ALX3: variants seen among roughly 807,000 people sequenced by gnomAD.
ALX3 encodes homeobox protein aristaless-like 3.
Under a neutral mutation model 26.3 loss-of-function variants are expected in ALX3, and 17 were observed. That is an observed-to-expected ratio of 0.65 (90% confidence interval 0.44 to 0.97). ALX3 has a LOEUF of 0.97. Ranked by LOEUF, ALX3 falls within the 50% of genes least tolerant of loss-of-function variation. The pLI is 0.00. For synonymous variants in ALX3, 208 were observed against 201.4 expected, an observed-to-expected ratio of 1.03 and a Z score of -0.28; for missense variants, 461 against 466.5, an observed-to-expected ratio of 0.99 and a Z score of 0.11.
intron 2 of ALX3, chr1:110,062,645 G>GTGTGCGCGCGC (rs57279963): frequency 7.6e-6 from 1 of 132,296 alleles, no homozygotes; most frequent in African/African-American, 2.8e-5. Flanking sequence ...GTGTGTGTGT[G>GTGTGCGCGCGC]GAGTAATCCG....
intron 1 of ALX3, among the ~76,000 whole-genome samples, chr1:110,065,838 A>G (rs1653767989): frequency 1.3e-5 from 2 of 152,186 alleles, no homozygotes; most frequent in African/African-American, 4.8e-5. Context: ...GAGCCTCACC[A>G]TGGTGGATCG....
intron 2 of ALX3, chr1:110,062,645 G>GCGCGCGCGCGCGCGCGC (rs57279963): frequency 7.6e-6 from 1 of 132,300 alleles, no homozygotes; most frequent in Admixed American, 8.2e-5. Context: ...GTGTGTGTGT[G>GCGCGCGCGCGCGCGCGC]GAGTAATCCG....
Position 110,064,397 on chromosome 1 carries a change from A to G in ALX3, c.594+190T>C, listed in dbSNP as rs1077580. ...TACCCAGGCATAAGCTTCAATTTGG[A>G]CCAGAAGAGCCTGTGGCTGCAGCAG... On this transcript the variant is annotated intron_variant, in intron 2 of 3. Coordinates refer to ENST00000647563, the MANE Select transcript of ALX3 (RefSeq NM_006492.3). 0.66 allele frequency among the ~76,000 whole-genome samples: 100,668 copies of G among 152,090 alleles called. 33,801 individuals are homozygous for G. Among genetic ancestry groups the G allele is most frequent in the East Asian group, 0.81 (4,149 of 5,148 alleles).
chr1:110,069,511 A>T (rs1428365860), intron 1 of ALX3, among the ~76,000 whole-genome samples: 1 of 152,104 alleles, frequency 6.6e-6, no homozygotes, highest in Non-Finnish European at 1.5e-5. Context: ...GCATTCTCGG[A>T]TGCCGGCGCG....
chr1:110,070,343 G>A lies in ALX3; in HGVS notation c.270C>T (p.Pro90=), dbSNP rs1444327986. The A allele has an allele frequency of 3.9e-6, 5 of 1,291,338 alleles. No homozygotes were observed. Among genetic ancestry groups the A allele is most frequent in the African/African-American group, 1.5e-5 (1 of 66,056 alleles). 80.0% of individuals were successfully genotyped at this position (1,291,338 alleles called of 1,614,324 possible). Reference sequence around the variant, plus strand: ...CCCCGCGCCGCGCGTTACCTTCCGCGGGGCCCTCGTAGAAGTGGCCGCCGT... The same window carrying A: ...CCCCGCGCCGCGCGTTACCTTCCGCAGGGCCCTCGTAGAAGTGGCCGCCGT... The part of the protein sequence containing the change: ...ALNGGHFYEG[P]AEAEEKTSKA... Residue 90 remains proline, a synonymous_variant, in exon 1 of 4, where the codon CCC becomes CCT. Coordinates refer to ENST00000647563, the MANE Select transcript of ALX3 (RefSeq NM_006492.3).
intron 1 of ALX3, among the ~76,000 whole-genome samples, chr1:110,065,303 C>T (rs148481103): frequency 6.6e-6 from 1 of 152,304 alleles, no homozygotes; most frequent in Non-Finnish European, 1.5e-5. Context: ...CCTGCTCCTG[C>T]CAGAAAGTGC....
rs372198014 is a variant in ALX3 at position 110,064,835 on chromosome 1, C to T, written c.346G>A (p.Asp116Asn). 6 of 1,613,396 alleles carry T rather than the reference C, an allele frequency of 3.7e-6. No individual in the cohort carries two copies. The highest frequency in any genetic ancestry group is 5.1e-6 in the Non-Finnish European group (6 of 1,179,824). The change falls in exon 2 of 4, where the codon GAC (aspartate) becomes AAC (asparagine). Residue 116 changes from aspartate to asparagine, a missense_variant. By Grantham distance (23) the Asp-to-Asn change is conservative. Coordinates refer to ENST00000647563, the MANE Select transcript of ALX3 (RefSeq NM_006492.3). ...GAGCCTTGCAAGTTAGAGGGCCCGT[C>T]TCTGGGGCCCCCTCGGCAGTCCAAG... The part of the protein sequence containing the change: ...LPLDCRGGPR[D>N]GPSNLQGSPG...
Position 110,070,402 on chromosome 1 carries a change from A to G in ALX3, c.211T>C (p.Tyr71His). Residue 71 changes from tyrosine (Y) to histidine (H), a missense_variant, in exon 1 of 4, where the codon TAC (tyrosine) becomes CAC (histidine). Coordinates refer to ENST00000647563, the MANE Select transcript of ALX3 (RefSeq NM_006492.3). ...LPEPAKPPAK[Y>H]LQDLGPGPAL... The stretch of plus-strand genomic sequence containing the variant: ...GGGCCGGGCCCGAGGTCCTGCAGGT[A>G]CTTGGCGGGCGGCTTGGCCGGCTCT... The G allele has an allele frequency of 7.8e-7, 1 of 1,280,786 alleles. No homozygotes were observed. Among genetic ancestry groups the G allele is most frequent in the Non-Finnish European group, 9.9e-7 (1 of 1,015,052 alleles). The allele number at this position is 1,280,786 out of a possible 1,614,324, so 79.3% of individuals were successfully genotyped here. A position where few individuals can be genotyped will look rare whatever the true frequency, so the allele number is the denominator to read the frequency against.
chr1:110,061,103 A>G (rs947179508), intron 3 of ALX3, 62 bp from the exon 4 acceptor site: 11 of 1,540,430 alleles, frequency 7.1e-6, no homozygotes, highest in Admixed American at 1.9e-5. Context: ...TTCCCTACCC[A>G]GGGGCTTTCT....
rs1215164222 is a variant in ALX3, at chr1:110,060,802, C to T, written c.963G>A (p.Lys321=). The T allele has an allele frequency of 4.3e-6, 7 of 1,613,806 alleles. No homozygotes were observed. The highest frequency in any genetic ancestry group is 1.3e-5 in the African/African-American group (1 of 74,914). Residue 321 remains lysine (K), a synonymous_variant, in exon 4 of 4, where the codon AAG becomes AAA. Coordinates refer to ENST00000647563, the MANE Select transcript of ALX3 (RefSeq NM_006492.3). ...SFEPSSDGDY[K]SPSLVSLRVK... ...CCCTGAGCGAGACGAGGCTTGGAGACTTATAGTCACCATCTGAGGAAGGCT... is the reference window on the plus strand; with the variant it reads ...CCCTGAGCGAGACGAGGCTTGGAGATTTATAGTCACCATCTGAGGAAGGCT...
Position 110,070,348 on chromosome 1 carries a change from C to T in ALX3, c.265G>A (p.Gly89Ser), listed in dbSNP as rs765289566. ...CGCCGCGCGTTACCTTCCGCGGGGC[C>T]CTCGTAGAAGTGGCCGCCGTTGAGG... Reference protein sequence around the residue: ...PALNGGHFYEGPAEAEEKTSK... With the variant: ...PALNGGHFYESPAEAEEKTSK... The change falls in exon 1 of 4, where the codon GGC becomes AGC. Residue 89 changes from glycine (G) to serine (S), a missense_variant. By Grantham distance (56) the Gly-to-Ser change is moderately conservative. Around this residue, in one of 3 missense-constraint regions of ALX3, gnomAD observed 241 missense variants for 206.1 expected, o/e 1.17. Transcript: ENST00000647563. 13 of 1,290,766 alleles carry T rather than the reference C, an allele frequency of 1.0e-5. No homozygotes were observed. The highest frequency in any genetic ancestry group is 3.0e-4 in the Middle Eastern group (1 of 3,346). The allele number at this position is 1,290,766 out of a possible 1,614,324, so 80.0% of individuals were successfully genotyped here. A position where few individuals can be genotyped will look rare whatever the true frequency, so the allele number is the denominator to read the frequency against.
chr1:110,067,319 C>T (rs1259847626), intron 1 of ALX3, among the ~76,000 whole-genome samples: 1 of 152,220 alleles, frequency 6.6e-6, no homozygotes, highest in Non-Finnish European at 1.5e-5. Flanking sequence ...AGAGGAGTCA[C>T]TGCACCTGAT....
intron 1 of ALX3, among the ~76,000 whole-genome samples, chr1:110,068,761 G>A (rs922303451): frequency 1.3e-5 from 2 of 151,726 alleles, no homozygotes; most frequent in Non-Finnish European, 1.5e-5. Flanking sequence ...CGTTCTCGCC[G>A]CGCTCTCCGT....
rs967688577 is a variant in ALX3, at chr1:110,070,532, G to A, written c.81C>T (p.Gly27=). The A allele has an allele frequency of 4.6e-6, 6 of 1,292,268 alleles. No homozygotes were observed. The highest frequency in any genetic ancestry group is 5.9e-6 in the Non-Finnish European group (6 of 1,019,506). The allele number at this position is 1,292,268 out of a possible 1,614,324, so 80.1% of individuals were successfully genotyped here. A position where few individuals can be genotyped will look rare whatever the true frequency, so the allele number is the denominator to read the frequency against. The stretch of plus-strand genomic sequence containing the variant: ...GCGCAGCGGCGGGGGTTCCCTGCGG[G>A]CCCGGAGGCTCGTCCCCCGAGGCCA... The part of the protein sequence containing the change: ...PYVASGDEPP[G]PQGTPAAAPH... Residue 27 remains glycine, a synonymous_variant, in exon 1 of 4, where the codon GGC becomes GGT. Coordinates refer to ENST00000647563, the MANE Select transcript of ALX3 (RefSeq NM_006492.3).
chr1:110,068,611 A>G (rs1265729432), intron 1 of ALX3, among the ~76,000 whole-genome samples: 2 of 152,306 alleles, frequency 1.3e-5, no homozygotes, highest in South Asian at 2.1e-4. Flanking sequence ...TCTTTTGTTT[A>G]GTCTGCTCCC....
At chr1:110,061,194 A>G (rs1242459281) in intron 3 of ALX3, 153 bp from the exon 4 acceptor site, 10 of 1,024,104 alleles carry the variant, frequency 9.8e-6, no homozygotes, top group Non-Finnish European at 1.4e-5. Context: ...CAACACTGGC[A>G]GTGGCATCTC....
chr1:110,064,708 G>T lies in ALX3; in HGVS notation c.473C>A (p.Thr158Lys). Residue 158 changes from threonine to lysine, a missense_variant, in exon 2 of 4, where the codon ACG (threonine) becomes AAG (lysine). Physicochemically the swap from Thr to Lys is moderately conservative, Grantham distance 78. This residue lies in a region of ALX3 where 51 missense variants were observed against 82.4 expected (regional missense o/e 0.62). Transcript: ENST00000647563. ...CTCCAGCTGGAATGTGCTGAAGGTCGTGCGGTTACGACGCTTCTTGCTCTT... is the reference window on the plus strand; with the variant it reads ...CTCCAGCTGGAATGTGCTGAAGGTCTTGCGGTTACGACGCTTCTTGCTCTT... Reference protein sequence around the residue: ...KNKSKKRRNRTTFSTFQLEEL... With the variant: ...KNKSKKRRNRKTFSTFQLEEL... 1 of 1,614,222 alleles carries T rather than the reference G, an allele frequency of 6.2e-7. No individual in the cohort carries two copies. Among genetic ancestry groups the T allele is most frequent in the Non-Finnish European group, 8.5e-7 (1 of 1,180,040 alleles).
At chr1:110,068,051 G>A (rs535834592) in intron 1 of ALX3, among the ~76,000 whole-genome samples, 1 of 152,348 alleles carries the variant, frequency 6.6e-6, no homozygotes, top group South Asian at 2.1e-4. Context: ...GAGAGTGGCT[G>A]GCAGCGCCAG....
At chr1:110,062,644 T>TGCGCGCGCGCGCGCGCGCGCGCGCTG (rs1553196261) in intron 2 of ALX3, 1 of 63,388 alleles carries the variant, frequency 1.6e-5, no homozygotes, top group African/African-American at 8.0e-5. Flanking sequence ...TGTGTGTGTG[T>TGCGCGCGCGCGCGCGCGCGCGCGCTG]GGAGTAATCC....
Sources: allele counts gnomAD v4.1 joint callset (sites outside exome capture counted in the v4.1 genomes callset), GRCh38; gene constraint gnomAD v4.1.1; regional missense constraint gnomAD v4.1.1; transcripts MANE v1.5; gene names NCBI Gene and HGNC (gene_info 2026-07-23, HGNC 2026-07-21).